DNAAF6: variants seen among roughly 807,000 people sequenced by gnomAD.
DNAAF6 encodes dynein axonemal assembly factor 6.
A neutral mutation model predicts 13.7 loss-of-function variants in DNAAF6; 3 were observed. That is an observed-to-expected ratio of 0.22 (90% confidence interval 0.10 to 0.56). DNAAF6 has a LOEUF of 0.56. Ranked by LOEUF, DNAAF6 falls within the 20% of genes least tolerant of loss-of-function variation. The pLI is 0.92. For missense variants in DNAAF6, 130 were observed against 151.0 expected (o/e 0.86, Z 0.73); for synonymous variants, 54 against 49.2 (o/e 1.10, Z -0.41).
At chrX:107,221,074 C>G (rs917024039) in intron 4 of DNAAF6, among the ~76,000 whole-genome samples, 2 of 109,069 alleles carry the variant, frequency 1.8e-5, no homozygotes, top group Non-Finnish European at 3.8e-5. Context: ...CGGGTTCAAG[C>G]GATTCTCCTG....
At chrX:107,241,313 C>A (rs1038714425) in intron 6 of DNAAF6, among the ~76,000 whole-genome samples, 26 of 111,454 alleles carry the variant, frequency 2.3e-4, no homozygotes, top group Non-Finnish European at 4.0e-4. Flanking sequence ...CATTTAATTT[C>A]TAATGAAAAT....
chrX:107,231,960 C>T (rs925510394), intron 5 of DNAAF6, among the ~76,000 whole-genome samples: 4 of 111,417 alleles, frequency 3.6e-5, no homozygotes, highest in East Asian at 2.8e-4. Flanking sequence ...TGGGTTCCAG[C>T]GATTCTCCCA....
intron 4 of DNAAF6, among the ~76,000 whole-genome samples, chrX:107,222,151 G>A (rs1718485108): frequency 9.0e-6 from 1 of 110,863 alleles, no homozygotes; most frequent in Non-Finnish European, 1.9e-5. Context: ...TAGCTGTGCT[G>A]ACTACATTAC....
At chrX:107,235,579 A>T (rs780250516) in intron 5 of DNAAF6, among the ~76,000 whole-genome samples, 2 of 111,132 alleles carry the variant, frequency 1.8e-5, no homozygotes, top group Non-Finnish European at 3.8e-5. Flanking sequence ...GCCGCTTACA[A>T]ACAGCCATGT....
rs192214441 is a variant in DNAAF6 at position 107,222,989 on chromosome X, G to T, written c.429+148G>T. 1.4e-3 allele frequency: 1,022 copies of T among 748,881 alleles called. 3 individuals are homozygous for T. The highest frequency in any genetic ancestry group is 7.6e-3 in the Middle Eastern group (20 of 2,644). 61.7% of individuals were successfully genotyped at this position (748,881 alleles called of 1,213,427 possible). On this transcript the variant is annotated intron_variant, in intron 5 of 6. Coordinates refer to ENST00000372453, the MANE Select transcript of DNAAF6 (RefSeq NM_173494.2). ...CACGTACTAGGGTAACAATGGGATA[G>T]ACAGTTTAAAATTGTTAACTTGTAC...
chrX:107,215,465 AT>A (rs1167732110), intron 2 of DNAAF6, among the ~76,000 whole-genome samples: 2 of 111,848 alleles, frequency 1.8e-5, no homozygotes, highest in South Asian at 3.7e-4. Context: ...AGGGAAAAAA[AT>A]GTCCCAAATA....
intron 5 of DNAAF6, among the ~76,000 whole-genome samples, chrX:107,229,136 T>TTTTTTTTTTTTTTTTTC (rs1928324688): frequency 1.3e-5 from 1 of 74,622 alleles, no homozygotes; most frequent in Non-Finnish European, 2.5e-5. Flanking sequence ...TCTTTTTTTT[T>TTTTTTTTTTTTTTTTTC]TTTTTTTTTT....
rs963632061 is a variant in DNAAF6 at position 107,215,092 on chromosome X, T to C, written c.154-1579T>C. 2.7e-5 allele frequency among the ~76,000 whole-genome samples: 3 copies of C among 112,089 alleles called. No individual in the cohort carries two copies. The East Asian group carries it at 8.3e-4, about 31-fold the overall frequency. Reference sequence around the variant, plus strand: ...GCTCAGATAATTGGCTGTAGATTCATGGTAAAGGCTCAAATGATGTTCTAA... The same window carrying C: ...GCTCAGATAATTGGCTGTAGATTCACGGTAAAGGCTCAAATGATGTTCTAA... On this transcript the variant is annotated intron_variant, in intron 2 of 6. Coordinates refer to ENST00000372453, the MANE Select transcript of DNAAF6 (RefSeq NM_173494.2).
chrX:107,215,886 T>C (rs1459818557), intron 2 of DNAAF6, among the ~76,000 whole-genome samples: 1 of 111,623 alleles, frequency 9.0e-6, no homozygotes, highest in Non-Finnish European at 1.9e-5. Context: ...AATTGGGATT[T>C]TCTTGAAATA....
At chrX:107,241,466 A>G (rs770621619) in intron 6 of DNAAF6, among the ~76,000 whole-genome samples, 12 of 111,579 alleles carry the variant, frequency 1.1e-4, no homozygotes, top group East Asian at 2.8e-4. Flanking sequence ...TTCAAATGTT[A>G]TTTTGTGGTG....
intron 5 of DNAAF6, among the ~76,000 whole-genome samples, chrX:107,229,093 T>C (rs1178002723): frequency 9.7e-6 from 1 of 103,464 alleles, no homozygotes; most frequent in Non-Finnish European, 2.0e-5. Context: ...ATGAGGGTGC[T>C]GCTACTCAGC....
intron 5 of DNAAF6, among the ~76,000 whole-genome samples, chrX:107,227,936 G>A (rs1928292140): frequency 1.8e-5 from 2 of 110,866 alleles, no homozygotes; most frequent in Admixed American, 9.7e-5. Flanking sequence ...GGTAAAAGAT[G>A]TCATATACAT....
At chrX:107,232,557 C>T (rs1463816756) in intron 5 of DNAAF6, among the ~76,000 whole-genome samples, 1 of 111,248 alleles carries the variant, frequency 9.0e-6, no homozygotes, top group Non-Finnish European at 1.9e-5. Context: ...TTGTATTGTA[C>T]ATTAGAAGGT....
In DNAAF6 at chrX:107,236,123, G is replaced by C. The variant is rs370651132; in HGVS notation, c.430-2799G>C. 7.2e-5 allele frequency among the ~76,000 whole-genome samples: 8 copies of C among 111,498 alleles called. No individual in the cohort carries two copies. In the East Asian group the frequency reaches 1.7e-3, roughly 24 times the overall value. ...CACTCCAGCTTGGGTGTCAGAGTGAGAGCCTGTCTCAAAAATAAACAGTTA... is the reference window on the plus strand; with the variant it reads ...CACTCCAGCTTGGGTGTCAGAGTGACAGCCTGTCTCAAAAATAAACAGTTA... On this transcript the variant is annotated intron_variant, in intron 5 of 6. Transcript: ENST00000372453.
At chrX:107,229,905 T>C (rs1210695864) in intron 5 of DNAAF6, among the ~76,000 whole-genome samples, 3 of 110,274 alleles carry the variant, frequency 2.7e-5, no homozygotes, top group Non-Finnish European at 5.7e-5. Flanking sequence ...GCCAGGATGG[T>C]CTCGACCTCC....
At chrX:107,226,641 G>C (rs777576163) in intron 5 of DNAAF6, among the ~76,000 whole-genome samples, 11 of 112,026 alleles carry the variant, frequency 9.8e-5, no homozygotes, top group Admixed American at 4.7e-4. Flanking sequence ...ATGGGCCTAG[G>C]GTTATTGGTA....
chrX:107,241,665 T>A (rs184226300), intron 6 of DNAAF6, among the ~76,000 whole-genome samples: 1 of 112,028 alleles, frequency 8.9e-6, no homozygotes, highest in Admixed American at 9.5e-5. Context: ...GTACAGATAA[T>A]AAGACAGTAA....
At chrX:107,236,972 G>A (rs1320665758) in intron 5 of DNAAF6, among the ~76,000 whole-genome samples, 2 of 111,414 alleles carry the variant, frequency 1.8e-5, no homozygotes, top group African/African-American at 3.3e-5. Context: ...AGAACTGTAC[G>A]TCTCTCACTT....
intron 6 of DNAAF6, among the ~76,000 whole-genome samples, chrX:107,241,215 C>T (rs1332676558): frequency 1.8e-5 from 2 of 111,947 alleles, no homozygotes; most frequent in African/African-American, 6.5e-5. Flanking sequence ...AACTTAAACT[C>T]TCTAATATAA....
Sources: allele counts gnomAD v4.1 joint callset (sites outside exome capture counted in the v4.1 genomes callset), GRCh38; gene constraint gnomAD v4.1.1; transcripts MANE v1.5; gene names NCBI Gene and HGNC (gene_info 2026-07-23, HGNC 2026-07-21).